The following AKIRIN1 variants were observed in gnomAD, a reference collection of about 807,000 sequenced individuals.
The protein encoded by AKIRIN1 is akirin-1.
A neutral mutation model predicts 25.9 loss-of-function variants in AKIRIN1; 4 were observed. That is an observed-to-expected ratio of 0.15 (90% CI 0.08 to 0.35). AKIRIN1 has a LOEUF of 0.35. Ranked by LOEUF, AKIRIN1 falls within the 10% of genes least tolerant of loss-of-function variation. The pLI is 1.00. For synonymous variants in AKIRIN1, 125 were observed against 105.1 expected (o/e 1.19, Z -1.16); for missense variants, 243 against 266.1 (o/e 0.91, Z 0.61).
Position 39,000,345 on chromosome 1 carries a change from CT to C in AKIRIN1, c.362-610del, listed in dbSNP as rs3078308. Reference sequence around the variant, plus strand: ...TTAGGAGAACCTTTTTTTTCTTTTTCTTTTTTTTTTTTTTTTTGAGTCCGTT... The same window carrying C: ...TTAGGAGAACCTTTTTTTTCTTTTTCTTTTTTTTTTTTTTTTGAGTCCGTT... On this transcript the variant is annotated intron_variant, in intron 2 of 4. Coordinates refer to ENST00000432648, the MANE Select transcript of AKIRIN1 (RefSeq NM_024595.3). Among the ~76,000 whole-genome samples, 4,226 of 128,228 alleles carry C rather than the reference CT, an allele frequency of 0.033. 294 individuals carry two copies. The East Asian group carries it at 0.33, about 10-fold the overall frequency. 84.1% of individuals were successfully genotyped at this position (128,228 alleles called of 152,430 possible).
rs1414711829 is a variant in AKIRIN1, at chr1:38,991,377, C to T, written c.-4C>T. 1.9e-5 allele frequency: 26 copies of T among 1,336,914 alleles called. No homozygotes were observed. The highest frequency in any genetic ancestry group is 2.5e-5 in the Non-Finnish European group (26 of 1,046,462). The allele number at this position is 1,336,914 out of a possible 1,614,324, so 82.8% of individuals were successfully genotyped here. ...CCGCTCCCGGTCCCTGGCCCCTCAGCGGCATGGCGTGCGGGGCGACGCTGA... is the reference window on the plus strand; with the variant it reads ...CCGCTCCCGGTCCCTGGCCCCTCAGTGGCATGGCGTGCGGGGCGACGCTGA... On this transcript the variant is annotated 5_prime_UTR_variant, in exon 1 of 5. Coordinates refer to ENST00000432648, the MANE Select transcript of AKIRIN1 (RefSeq NM_024595.3).
intron 3 of AKIRIN1, among the ~76,000 whole-genome samples, chr1:39,001,808 C>T (rs1643993765): frequency 6.6e-6 from 1 of 152,182 alleles, no homozygotes; most frequent in African/African-American, 2.4e-5. Context: ...GGCTAGCTGG[C>T]TGGTAAACAG....
chr1:39,004,376 G>T lies in AKIRIN1; in HGVS notation c.*321G>T. The T allele has an allele frequency of 2.0e-6, 1 of 510,342 alleles. No individual in the cohort carries two copies. The highest frequency in any genetic ancestry group is 3.6e-6 in the Non-Finnish European group (1 of 279,668). 31.6% of individuals were successfully genotyped at this position (510,342 alleles called of 1,614,324 possible). A position where few individuals can be genotyped will look rare whatever the true frequency, so the allele number is the denominator to read the frequency against. On this transcript the variant is annotated 3_prime_UTR_variant, in exon 5 of 5. Transcript: ENST00000432648. ...ATGGAGTTTCCCCAAGCACAGTTCTGTAAGAAGTGCGTGTGAGAGTGTGTG... is the reference window on the plus strand; with the variant it reads ...ATGGAGTTTCCCCAAGCACAGTTCTTTAAGAAGTGCGTGTGAGAGTGTGTG...
intron 3 of AKIRIN1, among the ~76,000 whole-genome samples, chr1:39,002,500 G>A (rs1358966787): frequency 6.6e-6 from 1 of 152,180 alleles, no homozygotes; most frequent in African/African-American, 2.4e-5. Context: ...GGAGGCCGAG[G>A]CGGGCAGATT....
chr1:38,997,041 T>C (rs1643953227), intron 1 of AKIRIN1, among the ~76,000 whole-genome samples: 1 of 151,926 alleles, frequency 6.6e-6, no homozygotes, highest in African/African-American at 2.4e-5. Flanking sequence ...AGATCCTGAA[T>C]AACTTCTCAA....
chr1:39,004,370 A>G lies in AKIRIN1; in HGVS notation c.*315A>G. ...CAACAAATGGAGTTTCCCCAAGCACAGTTCTGTAAGAAGTGCGTGTGAGAG... is the reference window on the plus strand; with the variant it reads ...CAACAAATGGAGTTTCCCCAAGCACGGTTCTGTAAGAAGTGCGTGTGAGAG... On this transcript the variant is annotated 3_prime_UTR_variant, in exon 5 of 5. Transcript: ENST00000432648. 7.7e-6 allele frequency: 4 copies of G among 520,272 alleles called. No homozygotes were observed. The South Asian group carries it at 7.7e-5, about 10-fold the overall frequency. 32.2% of individuals were successfully genotyped at this position (520,272 alleles called of 1,614,324 possible).
intron 1 of AKIRIN1, among the ~76,000 whole-genome samples, chr1:38,993,806 C>T (rs555213891): frequency 9.9e-5 from 15 of 152,126 alleles, no homozygotes; most frequent in African/African-American, 3.6e-4. Context: ...CGCAGTGGCT[C>T]ACTCCTATAA....
rs1643940579 is a variant in AKIRIN1 at position 38,995,378 on chromosome 1, G to GA, written c.221-2787dup. Among the ~76,000 whole-genome samples, 3 of 152,114 alleles carry GA rather than the reference G, an allele frequency of 2.0e-5. No homozygotes were observed. The South Asian group carries it at 6.2e-4, about 32-fold the overall frequency. ...GAGTTTGGAGGATGGGCTTAGACCG[G>GA]AAAAAATCTGGCAGCACAACCTCAA... On this transcript the variant is annotated intron_variant, in intron 1 of 4. Coordinates refer to ENST00000432648, the MANE Select transcript of AKIRIN1 (RefSeq NM_024595.3).
rs963787270 is a variant in AKIRIN1, at chr1:38,994,409, G to A, written c.220+2809G>A. Among the ~76,000 whole-genome samples, 9 of 152,178 alleles carry A rather than the reference G, an allele frequency of 5.9e-5. 1 individual carries two copies. The South Asian group carries it at 6.2e-4, about 10-fold the overall frequency. On this transcript the variant is annotated intron_variant, in intron 1 of 4. Transcript: ENST00000432648. ...ACATGGAAGAAGGGGGTTGCTGACC[G>A]CAGGAAATATTTGTAAACGTAATGT...
At chr1:38,992,597 A>G (rs1203970525) in intron 1 of AKIRIN1, among the ~76,000 whole-genome samples, 1 of 152,104 alleles carries the variant, frequency 6.6e-6, no homozygotes, top group African/African-American at 2.4e-5. Context: ...CCACAATGCA[A>G]ATTGCAGGCC....
intron 1 of AKIRIN1, among the ~76,000 whole-genome samples, chr1:38,997,766 C>T (rs4147763): frequency 0.34 from 50,895 of 151,922 alleles, 9,142 homozygotes; most frequent in Non-Finnish European, 0.39. Flanking sequence ...TGTGAAATTG[C>T]GAAATTTAAA....
At chr1:39,000,939 A>C in intron 2 of AKIRIN1, 33 bp from the exon 3 acceptor site, 1 of 1,595,776 alleles carries the variant, frequency 6.3e-7, no homozygotes, top group Non-Finnish European at 8.5e-7. Flanking sequence ...GAACCACCGC[A>C]CCTGGCCCAA....
chr1:38,996,842 C>G (rs1326582979), intron 1 of AKIRIN1, among the ~76,000 whole-genome samples: 1 of 152,192 alleles, frequency 6.6e-6, no homozygotes, highest in Non-Finnish European at 1.5e-5. Context: ...CCATAACACT[C>G]TTAAAGCATC....
At chr1:38,996,190 G>A (rs949409348) in intron 1 of AKIRIN1, among the ~76,000 whole-genome samples, 2 of 151,718 alleles carry the variant, frequency 1.3e-5, no homozygotes, top group African/African-American at 4.8e-5. Flanking sequence ...CACCTCCTGG[G>A]TTGAAGCAAT....
At chr1:38,997,739 C>A (rs1252965963) in intron 1 of AKIRIN1, among the ~76,000 whole-genome samples, 1 of 152,202 alleles carries the variant, frequency 6.6e-6, no homozygotes, top group African/African-American at 2.4e-5. Flanking sequence ...TGAGACTCAC[C>A]CCTTAATACC....
At chr1:38,992,292 CTCCT>C (rs1326090713) in intron 1 of AKIRIN1, among the ~76,000 whole-genome samples, 2 of 152,156 alleles carry the variant, frequency 1.3e-5, no homozygotes, top group African/African-American at 4.8e-5. Flanking sequence ...AACAGGGACT[CTCCT>C]TCAGTAAGGC....
rs1298832582 is a variant in AKIRIN1 at position 39,005,384 on chromosome 1, C to A, written c.*1329C>A. 1 of 151,908 alleles carries A rather than the reference C, an allele frequency of 6.6e-6. No individual in the cohort carries two copies. The highest frequency in any genetic ancestry group is 1.5e-5 in the Non-Finnish European group (1 of 68,008). 9.4% of individuals were successfully genotyped at this position (151,908 alleles called of 1,614,324 possible). A position where few individuals can be genotyped will look rare whatever the true frequency, so the allele number is the denominator to read the frequency against. On this transcript the variant is annotated 3_prime_UTR_variant, in exon 5 of 5. Coordinates refer to ENST00000432648, the MANE Select transcript of AKIRIN1 (RefSeq NM_024595.3). ...ATTCTTTTGAGGTGTCCATGGTCAACTGCTTCAGCTTTGTTTTGGCAACCC... is the reference window on the plus strand; with the variant it reads ...ATTCTTTTGAGGTGTCCATGGTCAAATGCTTCAGCTTTGTTTTGGCAACCC...
chr1:39,004,583 G>A lies in AKIRIN1; in HGVS notation c.*528G>A, dbSNP rs1168284064. ...AGTTGTAACAGTGGATTGTTTTTAT[G>A]TGTAGGTATTGTTAAATACAGGGAC... is the stretch of plus-strand genomic sequence containing the variant. On this transcript the variant is annotated 3_prime_UTR_variant, in exon 5 of 5. Coordinates refer to ENST00000432648, the MANE Select transcript of AKIRIN1 (RefSeq NM_024595.3). 1 of 206,982 alleles carries A rather than the reference G, an allele frequency of 4.8e-6. No individual in the cohort carries two copies. The highest frequency in any genetic ancestry group is 2.4e-5 in the African/African-American group (1 of 42,118). The allele number at this position is 206,982 out of a possible 1,614,324, so 12.8% of individuals were successfully genotyped here. A position where few individuals can be genotyped will look rare whatever the true frequency, so the allele number is the denominator to read the frequency against.
At chr1:39,001,162 ACC>A in intron 3 of AKIRIN1, 56 bp downstream of exon 3, 1 of 1,544,328 alleles carries the variant, frequency 6.5e-7, no homozygotes, top group Non-Finnish European at 8.7e-7. Context: ...AAAAATTAAC[ACC>A]AGTTAAATAA....
Sources: gnomAD v4.1 joint callset for allele counts (sites outside exome capture counted in the v4.1 genomes callset) on GRCh38, gnomAD v4.1.1 for gene constraint, MANE v1.5 for transcripts, NCBI Gene and HGNC (gene_info 2026-07-23, HGNC 2026-07-21) for gene names.